The following MBD5 variants were observed in gnomAD, a reference collection of about 807,000 sequenced individuals.
MBD5 encodes the protein methyl-CpG binding domain protein 5.
A neutral mutation model predicts 117.3 loss-of-function variants in MBD5; 13 were observed. The ratio of observed to expected loss-of-function variants is 0.11; its 90% CI spans 0.07 to 0.18. The LOEUF (loss-of-function observed/expected upper bound fraction) is 0.18. MBD5 is among the 10% of genes least tolerant of loss of function. The pLI, the probability that MBD5 is intolerant of heterozygous loss-of-function variation, is 1.00. For synonymous variants in MBD5, 727 were observed against 766.4 expected (o/e 0.95, Z 0.85); for missense variants, 1,879 against 2,093.8 (o/e 0.90, Z 2.00).
At chr2:148,312,940 G>T (rs891977477) in intron 3 of MBD5, among the ~76,000 whole-genome samples, 1 of 152,154 alleles carries the variant, frequency 6.6e-6, no homozygotes, top group African/African-American at 2.4e-5. Context: ...TTTGCTGGAG[G>T]TCCACTCCAG....
At chr2:148,303,042 T>C (rs1323905265) in intron 3 of MBD5, among the ~76,000 whole-genome samples, 1 of 151,408 alleles carries the variant, frequency 6.6e-6, no homozygotes, top group Non-Finnish European at 1.5e-5. Context: ...GTTATTTATA[T>C]TTTTAGTTGG....
chr2:148,037,547 A>T (rs1694228490), intron 1 of MBD5, among the ~76,000 whole-genome samples: 1 of 151,994 alleles, frequency 6.6e-6, no homozygotes. Flanking sequence ...GACATCTTAA[A>T]CTATTAAGGT....
chr2:148,396,551 G>A (rs1704720618), intron 4 of MBD5, among the ~76,000 whole-genome samples: 1 of 152,040 alleles, frequency 6.6e-6, no homozygotes, highest in Admixed American at 6.5e-5. Context: ...CACTTTTGTA[G>A]ATCCGAGTAT....
chr2:148,470,619 T>G (rs773973150), intron 8 of MBD5, 158 bp downstream of exon 8: 7 of 639,180 alleles, frequency 1.1e-5, no homozygotes, highest in Admixed American at 3.3e-5. Context: ...TACAGAATGC[T>G]AGGGATTTGT....
intron 5 of MBD5, among the ~76,000 whole-genome samples, 183 bp downstream of exon 5, chr2:148,459,054 A>G (rs189874620): frequency 5.5e-4 from 84 of 152,316 alleles, no homozygotes; most frequent in Non-Finnish European, 9.3e-4. Flanking sequence ...ACTTGTTTAT[A>G]TAAGGTGTCA....
rs189092896 is a variant in MBD5 at position 148,479,103 on chromosome 2, A to G, written c.2519-4007A>G. 7.2e-4 allele frequency among the ~76,000 whole-genome samples: 110 copies of G among 152,336 alleles called. No homozygotes were observed. In the East Asian group the frequency reaches 0.017, roughly 23 times the overall value. On this transcript the variant is annotated intron_variant, in intron 8 of 13. Coordinates refer to ENST00000642680, the MANE Select transcript of MBD5 (RefSeq NM_001378120.1). ...GCAATTTCCAAATTTTCCTCCATCT[A>G]TAAAATTTCATACAAATTCAGGGTC... is the stretch of plus-strand genomic sequence containing the variant.
intron 4 of MBD5, among the ~76,000 whole-genome samples, chr2:148,369,117 A>G (rs1020861658): frequency 1.3e-5 from 2 of 152,126 alleles, no homozygotes; most frequent in Admixed American, 1.3e-4. Flanking sequence ...GACAAATTCA[A>G]CATGTGGTAA....
intron 10 of MBD5, among the ~76,000 whole-genome samples, chr2:148,487,004 A>G (rs1428588782): frequency 6.6e-6 from 1 of 152,236 alleles, no homozygotes; most frequent in African/African-American, 2.4e-5. Flanking sequence ...GTTCAGTGCA[A>G]TATAATTTGA....
At chr2:148,036,345 A>T (rs901185242) in intron 1 of MBD5, among the ~76,000 whole-genome samples, 1 of 152,176 alleles carries the variant, frequency 6.6e-6, no homozygotes. Context: ...CTATTAGTTG[A>T]CATTCTCCTC....
chr2:148,366,308 G>GAACTAGT (rs1559041665), intron 4 of MBD5, among the ~76,000 whole-genome samples: 2 of 47,592 alleles, frequency 4.2e-5, no homozygotes, highest in African/African-American at 1.4e-4. Context: ...AATAAACTAG[G>GAACTAGT]TATTGATGGA....
intron 2 of MBD5, among the ~76,000 whole-genome samples, chr2:148,225,156 C>A (rs569792044): frequency 1.4e-4 from 22 of 152,046 alleles, no homozygotes; most frequent in Admixed American, 4.6e-4. Flanking sequence ...TCCTGTCTTC[C>A]CTTCAGTGAA....
intron 1 of MBD5, among the ~76,000 whole-genome samples, chr2:148,127,715 CAG>C (rs2105447823): frequency 6.6e-6 from 1 of 152,210 alleles, no homozygotes; most frequent in East Asian, 1.9e-4. Flanking sequence ...ATCTTTATAA[CAG>C]AATGATTTAA....
At chr2:148,498,491 C>A (rs893933810) in intron 11 of MBD5, among the ~76,000 whole-genome samples, 10 of 152,202 alleles carry the variant, frequency 6.6e-5, no homozygotes, top group African/African-American at 2.4e-4. Flanking sequence ...ATGCCTGCCA[C>A]CATGCCCAGC....
In MBD5 at chr2:148,380,982, T is replaced by C. The variant is rs529730858; in HGVS notation, c.-557+38646T>C. On this transcript the variant is annotated intron_variant, in intron 4 of 13. Coordinates refer to ENST00000642680, the MANE Select transcript of MBD5 (RefSeq NM_001378120.1). The stretch of plus-strand genomic sequence containing the variant: ...AAAACCCATCTGTACGTCACCATCA[T>C]CAAAGACCAAAGGTAGATAAAACCA... Among the ~76,000 whole-genome samples the C allele has an allele frequency of 1.2e-4, 18 of 152,066 alleles. 1 individual carries two copies. In the South Asian group the frequency reaches 3.7e-3, roughly 32 times the overall value.
intron 4 of MBD5, among the ~76,000 whole-genome samples, chr2:148,412,694 CAGGTATTTTATTCTTTTTGTGGCAA>C (rs1268063257): frequency 6.6e-6 from 1 of 151,868 alleles, no homozygotes; most frequent in Non-Finnish European, 1.5e-5. Context: ...GCTGTATTCC[CAGGTATTTTATTCTTTTTGTGGCAA>C]ATGTGAATGG....
At chr2:148,224,423 A>C (rs1387695736) in intron 2 of MBD5, among the ~76,000 whole-genome samples, 1 of 151,282 alleles carries the variant, frequency 6.6e-6, no homozygotes, top group African/African-American at 2.4e-5. Flanking sequence ...GCTCACTGCA[A>C]CCTCTGCTTC....
At chr2:148,362,664 G>A (rs1703576592) in intron 4 of MBD5, among the ~76,000 whole-genome samples, 1 of 152,168 alleles carries the variant, frequency 6.6e-6, no homozygotes. Flanking sequence ...CTTCAAGTGG[G>A]TCCCTGACCC....
chr2:148,495,979 G>A (rs964681912), intron 11 of MBD5, among the ~76,000 whole-genome samples: 13 of 152,172 alleles, frequency 8.5e-5, no homozygotes, highest in Admixed American at 4.6e-4. Flanking sequence ...TGGGAGGTGC[G>A]TCCTCCTGTG....
intron 9 of MBD5, chr2:148,485,436 CT>C: frequency 3.4e-6 from 1 of 294,688 alleles, no homozygotes; most frequent in Non-Finnish European, 6.4e-6. Context: ...GATCTAAAAT[CT>C]AAAAATAGAT....
Sources: allele counts gnomAD v4.1 joint callset (sites outside exome capture counted in the v4.1 genomes callset), GRCh38; gene constraint gnomAD v4.1.1; transcripts MANE v1.5; gene names NCBI Gene and HGNC (gene_info 2026-07-23, HGNC 2026-07-21).